The following COP1 variants were observed in gnomAD, a reference collection of about 807,000 sequenced individuals.
COP1 encodes COP1 E3 ubiquitin ligase.
In COP1, 24 loss-of-function variants were observed where a neutral mutation model predicts 101.3. That is an observed-to-expected ratio of 0.24 (90% CI 0.17 to 0.33). The LOEUF (loss-of-function observed/expected upper bound fraction) is 0.33, where lower values mean the gene tolerates loss of function less well. Among genes scored for constraint, COP1 ranks in the 10% least tolerant of loss-of-function variants. The pLI, the probability that COP1 is intolerant of heterozygous loss-of-function variation, is 1.00. For synonymous variants in COP1, 347 were observed against 341.9 expected (o/e 1.01, Z -0.17); for missense variants, 663 against 906.2 (o/e 0.73, Z 3.45).
At chr1:176,158,523 A>G (rs559617962) in intron 5 of COP1, among the ~76,000 whole-genome samples, 14 of 152,272 alleles carry the variant, frequency 9.2e-5, no homozygotes, top group African/African-American at 3.4e-4. Flanking sequence ...ACCACAATTA[A>G]TAACAACGTA....
intron 9 of COP1, among the ~76,000 whole-genome samples, chr1:176,109,069 G>A (rs772538534): frequency 3.9e-5 from 6 of 152,098 alleles, no homozygotes; most frequent in South Asian, 2.1e-4. Context: ...CTGAGATCAC[G>A]TCACTGCACT....
chr1:176,090,644 C>T (rs192964190), intron 9 of COP1, among the ~76,000 whole-genome samples: 322 of 151,962 alleles, frequency 2.1e-3, no homozygotes, highest in Non-Finnish European at 3.5e-3. Flanking sequence ...GCCCAGGGAC[C>T]GCAAGTAGGG....
At chr1:176,185,600 T>G (rs995022285) in intron 1 of COP1, among the ~76,000 whole-genome samples, 1 of 152,202 alleles carries the variant, frequency 6.6e-6, no homozygotes, top group Non-Finnish European at 1.5e-5. Context: ...AAAAGACATT[T>G]CCTTTTATCC....
At chr1:176,186,285 A>G (rs1478134830) in intron 1 of COP1, among the ~76,000 whole-genome samples, 1 of 151,954 alleles carries the variant, frequency 6.6e-6, no homozygotes, top group African/African-American at 2.4e-5. Flanking sequence ...ACCTCTATGC[A>G]AATTTTTTAA....
intron 18 of COP1, among the ~76,000 whole-genome samples, chr1:175,980,844 CAAT>C (rs1364067338): frequency 6.6e-6 from 1 of 152,086 alleles, no homozygotes; most frequent in Non-Finnish European, 1.5e-5. Context: ...GCTGACAAAA[CAAT>C]AATAGGGTAT....
At position 175,992,290 on chromosome 1, in the gene COP1, C is replaced by A. The variant is rs374951000; in HGVS notation, c.1730-2811G>T. Among the ~76,000 whole-genome samples, 107 of 152,342 alleles carry A rather than the reference C, an allele frequency of 7.0e-4. 2 individuals are homozygous for A. The South Asian group carries it at 0.021, about 30-fold the overall frequency. On this transcript the variant is annotated intron_variant, in intron 15 of 19. Coordinates refer to ENST00000367669, the MANE Select transcript of COP1 (RefSeq NM_022457.7). ...AGGCAAGATGGCCAAATAGGAACAG[C>A]TCCAGTCTACAGCTCCCAGAGTGAG...
chr1:176,034,321 T>C (rs1402137509), intron 14 of COP1, among the ~76,000 whole-genome samples: 1 of 152,182 alleles, frequency 6.6e-6, no homozygotes, highest in East Asian at 1.9e-4. Context: ...TTTTACTCTT[T>C]TTCTCCTCCA....
chr1:176,184,465 ATTATG>A (rs1300812408), intron 2 of COP1, among the ~76,000 whole-genome samples, 163 bp downstream of exon 2: 1 of 152,154 alleles, frequency 6.6e-6, no homozygotes, highest in Non-Finnish European at 1.5e-5. Flanking sequence ...TGCGCCAGCC[ATTATG>A]TTAACAGCCT....
chr1:175,982,423 CT>C, intron 18 of COP1: 1 of 456,434 alleles, frequency 2.2e-6, no homozygotes, highest in Non-Finnish European at 4.4e-6. Context: ...AACCCCACTT[CT>C]TTCTCCTCCT....
intron 9 of COP1, among the ~76,000 whole-genome samples, chr1:176,111,508 T>C (rs1323568815): frequency 6.6e-6 from 1 of 152,140 alleles, no homozygotes; most frequent in Non-Finnish European, 1.5e-5. Context: ...TTGGCCAGGA[T>C]GGTTTCGATC....
At chr1:176,091,389 T>C (rs567213535) in intron 9 of COP1, among the ~76,000 whole-genome samples, 1 of 150,934 alleles carries the variant, frequency 6.6e-6, no homozygotes, top group East Asian at 1.9e-4. Flanking sequence ...GTTGTGTACT[T>C]GAATAATACA....
intron 15 of COP1, among the ~76,000 whole-genome samples, chr1:176,012,904 T>C (rs1320934549): frequency 3.3e-5 from 5 of 152,192 alleles, no homozygotes; most frequent in Non-Finnish European, 7.3e-5. Flanking sequence ...TTTCTCAGAA[T>C]GCATCCCCAT....
intron 10 of COP1, among the ~76,000 whole-genome samples, chr1:176,084,506 A>G (rs1247426691): frequency 2.0e-5 from 3 of 152,182 alleles, no homozygotes; most frequent in African/African-American, 4.8e-5. Context: ...AAACTACTTT[A>G]AAGTTCATAT....
intron 8 of COP1, among the ~76,000 whole-genome samples, chr1:176,127,497 G>A (rs982748239): frequency 6.6e-6 from 1 of 151,614 alleles, no homozygotes; most frequent in Non-Finnish European, 1.5e-5. Flanking sequence ...TGTCATCTAG[G>A]TTCATCTGTG....
intron 10 of COP1, among the ~76,000 whole-genome samples, chr1:176,085,339 A>G (rs1026222889): frequency 7.9e-5 from 12 of 152,040 alleles, no homozygotes; most frequent in African/African-American, 2.9e-4. Context: ...TTAACACATA[A>G]TATCACACAG....
At chr1:176,175,878 T>C (rs1365432011) in intron 3 of COP1, 32 bp downstream of exon 3, 2 of 1,271,790 alleles carry the variant, frequency 1.6e-6, no homozygotes, top group Non-Finnish European at 2.3e-6. Context: ...GATCGAAATA[T>C]TTTTAAAATA....
At chr1:175,991,758 CAG>C (rs1334109957) in intron 15 of COP1, among the ~76,000 whole-genome samples, 1 of 151,776 alleles carries the variant, frequency 6.6e-6, no homozygotes, top group East Asian at 1.9e-4. Context: ...AACTAAGAAA[CAG>C]AAAGTTAGCC....
intron 3 of COP1, among the ~76,000 whole-genome samples, chr1:176,170,058 T>A (rs1358855033): frequency 1.3e-5 from 2 of 152,258 alleles, no homozygotes; most frequent in Non-Finnish European, 2.9e-5. Flanking sequence ...GTTTAAGTTT[T>A]ATCAGGATAG....
chr1:176,130,875 G>A lies in COP1; in HGVS notation c.968+4135C>T, dbSNP rs140023190. Among the ~76,000 whole-genome samples the A allele has an allele frequency of 2.6e-3, 398 of 151,760 alleles. 3 individuals are homozygous for A. Among genetic ancestry groups the A allele is most frequent in the African/African-American group, 9.2e-3 (380 of 41,472 alleles). On this transcript the variant is annotated intron_variant, in intron 8 of 19. Coordinates refer to ENST00000367669, the MANE Select transcript of COP1 (RefSeq NM_022457.7). ...TATAGAAACAGAATCAAAATAAGTA[G>A]AAATCTTTACAAAACAAAACAAGTG...
Sources: gnomAD v4.1 joint callset for allele counts (sites outside exome capture counted in the v4.1 genomes callset) on GRCh38, gnomAD v4.1.1 for gene constraint, MANE v1.5 for transcripts, NCBI Gene and HGNC (gene_info 2026-07-23, HGNC 2026-07-21) for gene names.